RAI1: variants seen among roughly 807,000 people sequenced by gnomAD.
The protein encoded by RAI1 is retinoic acid induced 1, also known as retinoic acid-induced protein 1.
Under a neutral mutation model 123.8 loss-of-function variants are expected in RAI1, and 9 were observed. The observed-to-expected ratio is 0.07, with a 90% confidence interval of 0.04 to 0.13. The LOEUF is 0.13. Ranked by LOEUF, RAI1 falls within the 10% of genes least tolerant of loss-of-function variation. The pLI, the probability that RAI1 is intolerant of heterozygous loss-of-function variation, is 1.00. For synonymous variants in RAI1, 1,231 were observed against 1,127.3 expected, an observed-to-expected ratio of 1.09 and a Z score of -1.84; for missense variants, 2,256 against 2,545.8, an observed-to-expected ratio of 0.89 and a Z score of 2.45.
intron 2 of RAI1, among the ~76,000 whole-genome samples, chr17:17,783,038 T>C (rs907864162): frequency 6.6e-6 from 1 of 151,692 alleles, no homozygotes; most frequent in Admixed American, 6.5e-5. Flanking sequence ...CGAGGGCGGC[T>C]ACGGGAGAAT....
chr17:17,695,405 G>T (rs541482399), intron 1 of RAI1, among the ~76,000 whole-genome samples: 1 of 152,136 alleles, frequency 6.6e-6, no homozygotes, highest in Non-Finnish European at 1.5e-5. Flanking sequence ...CACCCCGCCT[G>T]CCCTGGGGGA....
At chr17:17,719,338 T>C (rs1226047635) in intron 1 of RAI1, among the ~76,000 whole-genome samples, 1 of 152,160 alleles carries the variant, frequency 6.6e-6, no homozygotes, top group Admixed American at 6.5e-5. Flanking sequence ...CTCACTCCCC[T>C]CAAGCCACAC....
Position 17,681,614 on chromosome 17 carries a change from G to A in RAI1, c.-328G>A. On this transcript the variant is annotated 5_prime_UTR_variant, in exon 1 of 6. Coordinates refer to ENST00000353383, the MANE Select transcript of RAI1 (RefSeq NM_030665.4). ...GCGAGGGCGAGAGGCGAGCCGAGCAGGCCGCCCTGCCCGCGGCCCTAGCGC... is the reference window on the plus strand; with the variant it reads ...GCGAGGGCGAGAGGCGAGCCGAGCAAGCCGCCCTGCCCGCGGCCCTAGCGC... The A allele has an allele frequency of 4.8e-6, 1 of 206,402 alleles. No individual in the cohort carries two copies. Among genetic ancestry groups the A allele is most frequent in the Non-Finnish European group, 9.5e-6 (1 of 104,928 alleles). The allele number at this position is 206,402 out of a possible 1,614,324, so 12.8% of individuals were successfully genotyped here.
intron 1 of RAI1, among the ~76,000 whole-genome samples, chr17:17,715,042 G>C (rs942533789): frequency 1.1e-4 from 16 of 152,238 alleles, no homozygotes; most frequent in African/African-American, 3.6e-4. Context: ...CTCTGGAAAC[G>C]GGTTCAGAGA....
At position 17,783,491 on chromosome 17, in the gene RAI1, A is replaced by G. The variant is rs369022791; in HGVS notation, c.-16-9442A>G. Among the ~76,000 whole-genome samples the G allele has an allele frequency of 2.6e-5, 4 of 152,134 alleles. No homozygotes were observed. In the East Asian group the frequency reaches 5.8e-4, roughly 22 times the overall value. On this transcript the variant is annotated intron_variant, in intron 2 of 5. Coordinates refer to ENST00000353383, the MANE Select transcript of RAI1 (RefSeq NM_030665.4). The stretch of plus-strand genomic sequence containing the variant: ...AGTCCTGCGGATTTTCTCCGGCAGC[A>G]GCAGGCGCTCTGCCTTTGTCTTACA...
chr17:17,716,006 CAG>C (rs1026816886), intron 1 of RAI1, among the ~76,000 whole-genome samples: 13 of 152,294 alleles, frequency 8.5e-5, no homozygotes, highest in African/African-American at 2.4e-4. Flanking sequence ...TTTCCCTTAG[CAG>C]AGAGGGAATT....
chr17:17,721,703 A>G (rs1915886818), intron 1 of RAI1, among the ~76,000 whole-genome samples: 1 of 152,218 alleles, frequency 6.6e-6, no homozygotes, highest in Non-Finnish European at 1.5e-5. Context: ...TTAATGGTAT[A>G]CACAATGCGC....
chr17:17,740,851 A>G (rs1357864999), intron 2 of RAI1, among the ~76,000 whole-genome samples: 1 of 152,060 alleles, frequency 6.6e-6, no homozygotes, highest in Non-Finnish European at 1.5e-5. Context: ...AGACCTGCCA[A>G]AGCAGATACT....
chr17:17,757,285 T>C (rs1290758914), intron 2 of RAI1, among the ~76,000 whole-genome samples: 2 of 152,200 alleles, frequency 1.3e-5, no homozygotes, highest in African/African-American at 2.4e-5. Context: ...AAAGATTTCC[T>C]GAGCCTGGAC....
In RAI1 at chr17:17,685,581, G is replaced by C. The variant is rs1038152688; in HGVS notation, c.-149+3788G>C. Among the ~76,000 whole-genome samples, 1 of 152,214 alleles carries C rather than the reference G, an allele frequency of 6.6e-6. No individual in the cohort carries two copies. Among genetic ancestry groups the C allele is most frequent in the Non-Finnish European group, 1.5e-5 (1 of 68,036 alleles). On this transcript the variant is annotated intron_variant, in intron 1 of 5. Transcript: ENST00000353383. This position sits in a 1 kb window ranked among gnomAD's most constrained non-coding sequence, Gnocchi z 4.0. ...AAGAGGGGAGGACTTGGCTCAGAAA[G>C]AATGGTGGCGGAAGAGGTTGGGCTG...
chr17:17,764,543 C>T (rs1351704597), intron 2 of RAI1, among the ~76,000 whole-genome samples: 2 of 151,212 alleles, frequency 1.3e-5, no homozygotes, highest in Non-Finnish European at 2.9e-5. Context: ...TGCGATCTCG[C>T]CTCACTACAA....
Position 17,796,482 on chromosome 17 carries a change from C to A in RAI1, c.3534C>A (p.Leu1178=), listed in dbSNP as rs776913256. The A allele has an allele frequency of 6.2e-7, 1 of 1,611,178 alleles. No homozygotes were observed. Among genetic ancestry groups the A allele is most frequent in the Non-Finnish European group, 8.5e-7 (1 of 1,179,780 alleles). ...LPNCRATKKL[L]DNSHLPATFK... Reference sequence around the variant, plus strand: ...ACTGCCGTGCCACCAAGAAGCTCCTCGACAACAGCCACTTGCCCGCCACAT... The same window carrying A: ...ACTGCCGTGCCACCAAGAAGCTCCTAGACAACAGCCACTTGCCCGCCACAT... Residue 1178 remains leucine (L), a synonymous_variant, in exon 3 of 6, where the codon CTC becomes CTA. Coordinates refer to ENST00000353383, the MANE Select transcript of RAI1 (RefSeq NM_030665.4). This position sits in a 1 kb window ranked among gnomAD's most constrained non-coding sequence, Gnocchi z 5.8.
intron 1 of RAI1, among the ~76,000 whole-genome samples, chr17:17,713,405 C>T (rs1178099435): frequency 1.3e-5 from 2 of 152,172 alleles, no homozygotes; most frequent in East Asian, 1.9e-4. Flanking sequence ...TTTGGGAGGC[C>T]GAGGTGCACG....
At chr17:17,779,184 C>G (rs2031467414) in intron 2 of RAI1, 4 of 340,860 alleles carry the variant, frequency 1.2e-5, no homozygotes, top group Non-Finnish European at 2.3e-5. Flanking sequence ...TGAGGAAAGC[C>G]TCCCGGGTGG....
intron 2 of RAI1, among the ~76,000 whole-genome samples, chr17:17,728,387 G>A (rs1418645632): frequency 1.3e-5 from 2 of 152,124 alleles, no homozygotes; most frequent in South Asian, 2.1e-4. Flanking sequence ...GAAATGATCC[G>A]CACGTTAATT....
At chr17:17,708,245 G>GGAGGCAGGCCCCCTCCCCAGGAGGA (rs1915451310) in intron 1 of RAI1, among the ~76,000 whole-genome samples, 2 of 152,112 alleles carry the variant, frequency 1.3e-5, no homozygotes, top group Non-Finnish European at 2.9e-5. Flanking sequence ...CAGCAGGAGG[G>GGAGGCAGGCCCCCTCCCCAGGAGGA]GAGGCAGGCC....
intron 2 of RAI1, among the ~76,000 whole-genome samples, chr17:17,729,887 G>A (rs553078404): frequency 6.6e-6 from 1 of 152,342 alleles, no homozygotes; most frequent in Admixed American, 6.5e-5. Context: ...CTGAGGCTAT[G>A]TTAGCAAAGG....
At chr17:17,785,229 T>C (rs530051629) in intron 2 of RAI1, among the ~76,000 whole-genome samples, 27 of 152,338 alleles carry the variant, frequency 1.8e-4, no homozygotes, top group African/African-American at 6.0e-4. Flanking sequence ...TTGTCTCTCC[T>C]TCCTGATTGG....
Position 17,809,954 on chromosome 17 carries a change from C to A in RAI1, c.5710-16C>A. On this transcript the variant is annotated splice_polypyrimidine_tract_variant and intron_variant, in intron 5 of 5. Coordinates refer to ENST00000353383, the MANE Select transcript of RAI1 (RefSeq NM_030665.4). The surrounding 1 kb of genome is among the most constrained non-coding windows in gnomAD (Gnocchi z 4.9). ...TCCGAGGTCGTCGGTAACTGGCGGG[C>A]GGGCGTCTTTTGCAGAGGCTGCCGT... is the stretch of plus-strand genomic sequence containing the variant. 1 of 1,558,144 alleles carries A rather than the reference C, an allele frequency of 6.4e-7. No homozygotes were observed. Among genetic ancestry groups the A allele is most frequent in the Admixed American group, 1.9e-5 (1 of 52,048 alleles).
Sources: allele counts gnomAD v4.1 joint callset (sites outside exome capture counted in the v4.1 genomes callset), GRCh38; gene constraint gnomAD v4.1.1; non-coding constraint Gnocchi (gnomAD v3.1); transcripts MANE v1.5; gene names NCBI Gene and HGNC (gene_info 2026-07-23, HGNC 2026-07-21).